Variants in HOOK3 observed in about 807,000 individuals in gnomAD.
HOOK3 encodes protein Hook homolog 3.
In HOOK3, 24 loss-of-function variants were observed where a neutral mutation model predicts 116.3. The ratio of observed to expected loss-of-function variants is 0.21; its 90% CI spans 0.15 to 0.29. The LOEUF is 0.29. Among genes scored for constraint, HOOK3 ranks in the 10% least tolerant of loss-of-function variants. The pLI, the probability that HOOK3 is intolerant of heterozygous loss-of-function variation, is 1.00. For missense variants in HOOK3, 632 were observed against 830.2 expected, an observed-to-expected ratio of 0.76 and a Z score of 2.93; for synonymous variants, 275 against 283.0, an observed-to-expected ratio of 0.97 and a Z score of 0.28.
chr8:42,981,315 A>C (rs1808938598), intron 13 of HOOK3, among the ~76,000 whole-genome samples: 1 of 151,986 alleles, frequency 6.6e-6, no homozygotes, highest in Non-Finnish European at 1.5e-5. Flanking sequence ...GGCCTCCCAA[A>C]GTGCTGGGGT....
At chr8:42,919,535 C>T (rs1010484920) in intron 2 of HOOK3, among the ~76,000 whole-genome samples, 9 of 151,366 alleles carry the variant, frequency 5.9e-5, no homozygotes, top group Non-Finnish European at 1.0e-4. Context: ...ACTTCCTAGA[C>T]GGGGTGGCGG....
intron 6 of HOOK3, among the ~76,000 whole-genome samples, chr8:42,953,942 G>A (rs992364571): frequency 1.3e-5 from 2 of 152,084 alleles, no homozygotes; most frequent in African/African-American, 2.4e-5. Flanking sequence ...CCATTGTGCC[G>A]TATCCCTTCA....
At chr8:42,989,037 C>T (rs186899915) in intron 15 of HOOK3, among the ~76,000 whole-genome samples, 23 of 152,290 alleles carry the variant, frequency 1.5e-4, no homozygotes, top group African/African-American at 2.4e-4. Context: ...CAAAGTCTGT[C>T]GTAGACCTCT....
intron 14 of HOOK3, among the ~76,000 whole-genome samples, chr8:42,984,576 CTTATTGGTAATACAGTTGGT>C (rs933805570): frequency 6.6e-6 from 1 of 152,034 alleles, no homozygotes; most frequent in African/African-American, 2.4e-5. Context: ...TTTAAGGAAA[CTTATTGGTAATACAGTTGGT>C]TTTTTAAACT....
chr8:43,013,800 C>T (rs573755889), intron 21 of HOOK3, among the ~76,000 whole-genome samples: 1 of 152,274 alleles, frequency 6.6e-6, no homozygotes, highest in South Asian at 2.1e-4. Flanking sequence ...AAAATGTTCA[C>T]AATGTCAGAC....
chr8:42,944,773 T>G (rs1324200955), intron 5 of HOOK3, among the ~76,000 whole-genome samples: 1 of 152,124 alleles, frequency 6.6e-6, no homozygotes, highest in Non-Finnish European at 1.5e-5. Context: ...GAGCCAAGAT[T>G]GTGCCACTGC....
At chr8:42,987,311 G>T (rs977222356) in intron 15 of HOOK3, among the ~76,000 whole-genome samples, 1 of 152,322 alleles carries the variant, frequency 6.6e-6, no homozygotes, top group African/African-American at 2.4e-5. Flanking sequence ...GGCCTTTTTA[G>T]AATGGTGTTG....
At chr8:42,918,861 CCCA>C (rs1436212290) in intron 2 of HOOK3, among the ~76,000 whole-genome samples, 1 of 152,240 alleles carries the variant, frequency 6.6e-6, no homozygotes, top group Non-Finnish European at 1.5e-5. Flanking sequence ...CTCTCTTTTC[CCCA>C]CATTTCCCCC....
At chr8:43,010,442 C>T in intron 19 of HOOK3, 37 bp downstream of exon 19, 1 of 724,554 alleles carries the variant, frequency 1.4e-6, no homozygotes, top group East Asian at 3.6e-5. Context: ...ACTCTACCTT[C>T]TGATCACATT....
chr8:42,999,546 T>C (rs1025349479), intron 16 of HOOK3, among the ~76,000 whole-genome samples: 2 of 151,904 alleles, frequency 1.3e-5, no homozygotes, highest in African/African-American at 2.4e-5. Flanking sequence ...GTGTTGCATC[T>C]CGGGAATGTG....
chr8:42,933,257 T>C (rs1807905005), intron 4 of HOOK3, among the ~76,000 whole-genome samples: 1 of 152,248 alleles, frequency 6.6e-6, no homozygotes, highest in Admixed American at 6.5e-5. Context: ...ATATGCCATA[T>C]GATACCAGTT....
intron 4 of HOOK3, among the ~76,000 whole-genome samples, chr8:42,935,331 T>C (rs1320592319): frequency 6.6e-6 from 1 of 152,182 alleles, no homozygotes; most frequent in African/African-American, 2.4e-5. Context: ...TTTCTCCCAT[T>C]CTGTAGGTTG....
chr8:42,981,433 G>C (rs1028536829), intron 13 of HOOK3, among the ~76,000 whole-genome samples: 3 of 152,126 alleles, frequency 2.0e-5, no homozygotes, highest in African/African-American at 4.8e-5. Flanking sequence ...CACCTTTCTT[G>C]TGTATGTATC....
chr8:42,915,920 T>C (rs1807524849), intron 2 of HOOK3, among the ~76,000 whole-genome samples: 1 of 152,202 alleles, frequency 6.6e-6, no homozygotes, highest in Non-Finnish European at 1.5e-5. Context: ...TCACTCAGGC[T>C]AAGAATCAAA....
chr8:43,017,930 A>C (rs1433993407), intron 21 of HOOK3, among the ~76,000 whole-genome samples: 4 of 152,196 alleles, frequency 2.6e-5, no homozygotes, highest in Non-Finnish European at 5.9e-5. Flanking sequence ...TACAGTACCT[A>C]GTGTGGCTTT....
chr8:42,935,175 C>A (rs1020785161), intron 4 of HOOK3, among the ~76,000 whole-genome samples: 3 of 152,086 alleles, frequency 2.0e-5, no homozygotes, highest in Non-Finnish European at 2.9e-5. Context: ...TGTTTATTGG[C>A]CATATAAATG....
At chr8:42,952,240 A>G (rs754024848) in intron 6 of HOOK3, among the ~76,000 whole-genome samples, 4 of 152,240 alleles carry the variant, frequency 2.6e-5, no homozygotes, top group Non-Finnish European at 4.4e-5. Flanking sequence ...GTCAGGAATG[A>G]TAACAGCTTT....
chr8:43,002,971 TA>T (rs1280550384), intron 17 of HOOK3, among the ~76,000 whole-genome samples: 34 of 152,334 alleles, frequency 2.2e-4, no homozygotes, highest in African/African-American at 5.3e-4. Flanking sequence ...AATATTCACA[TA>T]TTTTTTTTCA....
chr8:42,910,045 G>C (rs1807392732), intron 2 of HOOK3, among the ~76,000 whole-genome samples: 1 of 152,146 alleles, frequency 6.6e-6, no homozygotes. Flanking sequence ...TGTTAATACT[G>C]TGTATTTTGC....
Sources: allele counts gnomAD v4.1 joint callset (sites outside exome capture counted in the v4.1 genomes callset), GRCh38; gene constraint gnomAD v4.1.1; transcripts MANE v1.5; gene names NCBI Gene and HGNC (gene_info 2026-07-23, HGNC 2026-07-21).